The following PTPRJ variants were observed in gnomAD, a reference collection of about 807,000 sequenced individuals.
The protein encoded by PTPRJ is receptor-type tyrosine-protein phosphatase eta.
A neutral mutation model predicts 141.3 loss-of-function variants in PTPRJ; 129 were observed. That is an observed-to-expected ratio of 0.91 (90% CI 0.79 to 1.06). PTPRJ has a LOEUF of 1.06. PTPRJ is among the 50% of genes least tolerant of loss of function. The probability of loss-of-function intolerance (pLI) is 0.00; values close to 1 mark genes in which losing one functional copy is unlikely to be tolerated. For synonymous variants in PTPRJ, 610 were observed against 640.5 expected (o/e 0.95, Z 0.72); for missense variants, 1,601 against 1,679.7 (o/e 0.95, Z 0.82).
In PTPRJ at chr11:48,159,952, C is replaced by T. The variant is rs765318766; in HGVS notation, c.3461C>T (p.Pro1154Leu). 3 of 1,613,614 alleles carry T rather than the reference C, an allele frequency of 1.9e-6. No homozygotes were observed. The highest frequency in any genetic ancestry group is 1.7e-5 in the Admixed American group (1 of 59,976). ...QGRTKCEEYW[P>L]SKQAQDYGDI... ...TAGACCAAATGTGAGGAGTATTGGC[C>T]CTCCAAGCAGGCTCAGGACTATGGA... Residue 1154 changes from proline to leucine, a missense_variant, in exon 22 of 25, where the codon CCC becomes CTC. Coordinates refer to ENST00000418331, the MANE Select transcript of PTPRJ (RefSeq NM_002843.4).
At chr11:48,009,174 G>T (rs774165541) in intron 1 of PTPRJ, among the ~76,000 whole-genome samples, 3 of 152,208 alleles carry the variant, frequency 2.0e-5, no homozygotes, top group Non-Finnish European at 2.9e-5. Context: ...AGCGGTGGAG[G>T]ATTGCTGAAA....
intron 1 of PTPRJ, among the ~76,000 whole-genome samples, chr11:48,042,905 A>T (rs1854305289): frequency 6.6e-6 from 1 of 151,982 alleles, no homozygotes; most frequent in South Asian, 2.1e-4. Context: ...GAAATGTAAG[A>T]CCCAAAGAAA....
In PTPRJ at chr11:48,121,059, T is replaced by C; in HGVS notation, c.409T>C (p.Leu137=). ...AVSISPTNVI[L]TWKSNDTAAS... ...TTCCATCAGTCCAACCAATGTGATC[T>C]TAACTTGGAAAAGTAATGACACAGC... The change falls in exon 4 of 25, where the codon TTA becomes CTA. Residue 137 remains leucine, a synonymous_variant. Coordinates refer to ENST00000418331, the MANE Select transcript of PTPRJ (RefSeq NM_002843.4). The C allele has an allele frequency of 6.2e-7, 1 of 1,613,686 alleles. No individual in the cohort carries two copies. Among genetic ancestry groups the C allele is most frequent in the Non-Finnish European group, 8.5e-7 (1 of 1,179,678 alleles).
At chr11:48,074,188 C>T (rs975926499) in intron 1 of PTPRJ, among the ~76,000 whole-genome samples, 1 of 151,948 alleles carries the variant, frequency 6.6e-6, no homozygotes, top group African/African-American at 2.4e-5. Flanking sequence ...CCACGTTGCT[C>T]AGGCTGTAAT....
chr11:48,082,737 T>C (rs1031238974), intron 1 of PTPRJ, among the ~76,000 whole-genome samples: 1 of 151,990 alleles, frequency 6.6e-6, no homozygotes, highest in South Asian at 2.1e-4. Flanking sequence ...CATGGTGGAA[T>C]ATCAGAGGTT....
At chr11:48,123,371 G>A (rs1036732526) in intron 4 of PTPRJ, among the ~76,000 whole-genome samples, 4 of 151,854 alleles carry the variant, frequency 2.6e-5, no homozygotes, top group African/African-American at 9.7e-5. Flanking sequence ...CAGTTTTAAG[G>A]TTTTTTTCTT....
At chr11:48,000,140 CTTTTT>C (rs1168869186) in intron 1 of PTPRJ, among the ~76,000 whole-genome samples, 1 of 121,356 alleles carries the variant, frequency 8.2e-6, no homozygotes, top group Non-Finnish European at 1.7e-5. Flanking sequence ...ATGCCTGGCC[CTTTTT>C]TTTTTTTTTT....
In PTPRJ at chr11:48,139,497, A is replaced by G. The variant is rs138339280; in HGVS notation, c.2164A>G (p.Met722Val). 2.4e-5 allele frequency: 39 copies of G among 1,613,680 alleles called. 1 individual carries two copies. The highest frequency in any genetic ancestry group is 1.8e-4 in the East Asian group (8 of 44,874). ...RKSFCTDPAS[M>V]ASFDCEVVPK... ...TACTTGCTTTGCAGATCCTGCGTCC[A>G]TGGCCTCCTTCGACTGCGAAGTGGT... Residue 722 changes from methionine (M) to valine (V), a missense_variant, in exon 11 of 25, where the codon ATG becomes GTG. Coordinates refer to ENST00000418331, the MANE Select transcript of PTPRJ (RefSeq NM_002843.4).
intron 1 of PTPRJ, among the ~76,000 whole-genome samples, chr11:48,048,665 G>A (rs191053165): frequency 1.8e-3 from 267 of 152,106 alleles, no homozygotes; most frequent in African/African-American, 6.0e-3. Context: ...GTGATGGCGC[G>A]TGCCTGTATT....
Position 48,156,107 on chromosome 11 carries a change from T to C in PTPRJ, c.3426T>C (p.Val1142=), listed in dbSNP as rs1439595943. 14 of 1,590,678 alleles carry C rather than the reference T, an allele frequency of 8.8e-6. No individual in the cohort carries two copies. Among genetic ancestry groups the C allele is most frequent in the Non-Finnish European group, 1.2e-5 (14 of 1,160,532 alleles). The change falls in exon 21 of 25, where the codon GTT becomes GTC. Residue 1142 remains valine, a synonymous_variant. Transcript: ENST00000418331. ...VYAIIMLTKC[V]EQGRTKCEEY... ...CCATCATTATGTTGACTAAATGTGT[T>C]GAACAGGGAAGAGTAAGTATCTTTT...
chr11:48,149,972 T>C lies in PTPRJ; in HGVS notation c.3042-18T>C. 6.9e-7 allele frequency: 1 copy of C among 1,441,890 alleles called. No individual in the cohort carries two copies. Among genetic ancestry groups the C allele is most frequent in the Non-Finnish European group, 9.6e-7 (1 of 1,038,300 alleles). The allele number at this position is 1,441,890 out of a possible 1,614,324, so 89.3% of individuals were successfully genotyped here. A position where few individuals can be genotyped will look rare whatever the true frequency, so the allele number is the denominator to read the frequency against. On this transcript the variant is annotated intron_variant, in intron 16 of 24. Transcript: ENST00000418331. The stretch of plus-strand genomic sequence containing the variant: ...TCTTTCTAATTGCATATTTTTTCTT[T>C]CCCTTTCTATCATGAAGACCTAAAA...
chr11:48,160,519 A>T (rs948940798), intron 22 of PTPRJ, among the ~76,000 whole-genome samples: 3 of 152,214 alleles, frequency 2.0e-5, no homozygotes, highest in Non-Finnish European at 2.9e-5. Context: ...AAATCCAATT[A>T]AATTGTGCAG....
intron 1 of PTPRJ, among the ~76,000 whole-genome samples, chr11:48,043,012 A>G (rs1285938267): frequency 2.0e-5 from 3 of 152,166 alleles, no homozygotes; most frequent in Non-Finnish European, 2.9e-5. Context: ...AAGTCTTACA[A>G]AAGTATAGAA....
intron 6 of PTPRJ, among the ~76,000 whole-genome samples, chr11:48,126,775 AACACAC>A (rs10599361): frequency 0.012 from 1,620 of 137,230 alleles, 15 homozygotes; most frequent in South Asian, 0.028. Flanking sequence ...AGTCTGTTGC[AACACAC>A]ACACACACAC....
intron 1 of PTPRJ, among the ~76,000 whole-genome samples, chr11:48,069,610 C>T (rs1234014535): frequency 1.3e-5 from 2 of 151,854 alleles, no homozygotes; most frequent in Admixed American, 6.6e-5. Context: ...CCACCACCCC[C>T]GGCTAATTTT....
At chr11:48,143,197 G>A (rs1449847145) in intron 12 of PTPRJ, 147 bp downstream of exon 12, 4 of 1,136,188 alleles carry the variant, frequency 3.5e-6, no homozygotes, top group East Asian at 2.6e-5. Flanking sequence ...AGAGAAGGAG[G>A]GTGAGGTATT....
chr11:48,124,925 C>G (rs750178121), intron 5 of PTPRJ, 43 bp from the exon 6 acceptor site: 1 of 1,589,980 alleles, frequency 6.3e-7, no homozygotes, highest in Non-Finnish European at 8.6e-7. Flanking sequence ...GGGATGTGTC[C>G]CTCTTGTGGT....
In PTPRJ at chr11:47,980,993, G is replaced by A; in HGVS notation, c.81G>A (p.Leu27=). The change falls in exon 1 of 25, where the codon CTG becomes CTA. Residue 27 remains leucine, a synonymous_variant. Transcript: ENST00000418331. ...GGGCGCTGCCGCTGCTGCTGCTGCT[G>A]CTGCGCCTGGGCCAGGTAAGCGCCG... ...LRWALPLLLL[L]LRLGQILCAG... is the part of the protein sequence containing the mutation. 8.2e-7 allele frequency: 1 copy of A among 1,214,454 alleles called. No individual in the cohort carries two copies. Among genetic ancestry groups the A allele is most frequent in the Non-Finnish European group, 1.0e-6 (1 of 977,040 alleles). The allele number at this position is 1,214,454 out of a possible 1,614,324, so 75.2% of individuals were successfully genotyped here.
At chr11:47,988,331 A>AT (rs1854104285) in intron 1 of PTPRJ, among the ~76,000 whole-genome samples, 1 of 151,452 alleles carries the variant, frequency 6.6e-6, no homozygotes, top group Non-Finnish European at 1.5e-5. Flanking sequence ...TTTTTTTAAA[A>AT]TTTTTAATTT....
Sources: gnomAD v4.1 joint callset for allele counts (sites outside exome capture counted in the v4.1 genomes callset) on GRCh38, gnomAD v4.1.1 for gene constraint, MANE v1.5 for transcripts, NCBI Gene and HGNC (gene_info 2026-07-23, HGNC 2026-07-21) for gene names.